Variants in PHKB observed in about 807,000 individuals in gnomAD.
PHKB encodes phosphorylase kinase regulatory subunit beta.
A neutral mutation model predicts 152.1 loss-of-function variants in PHKB; 122 were observed. That is an observed-to-expected ratio of 0.80 (90% confidence interval 0.69 to 0.93). PHKB has a LOEUF of 0.93. PHKB is among the 40% of genes least tolerant of loss of function. PHKB has a pLI of 0.00. For missense variants in PHKB, 1,304 were observed against 1,328.4 expected (o/e 0.98, Z 0.29); for synonymous variants, 436 against 464.9 (o/e 0.94, Z 0.80).
chr16:47,596,373 G>T lies in PHKB; in HGVS notation c.1205G>T (p.Gly402Val). ...AAATACTTATTTTTAAACTCCATAG[G>T]ATATCCTGTTGTACCAAAGTACTAT... Reference protein sequence around the residue: ...LTPVLHHTTEGYPVVPKYYYV... With the variant: ...LTPVLHHTTEVYPVVPKYYYV... The change falls in exon 13 of 31, where the codon GGA becomes GTA. Residue 402 changes from glycine to valine, a missense_variant and splice_region_variant. By Grantham distance (109) the Gly-to-Val change is moderately radical (BLOSUM62 -3). Coordinates refer to ENST00000323584, the MANE Select transcript of PHKB (RefSeq NM_000293.3). 1.3e-6 allele frequency: 2 copies of T among 1,590,134 alleles called. No individual in the cohort carries two copies. Among genetic ancestry groups the T allele is most frequent in the Non-Finnish European group, 1.7e-6 (2 of 1,158,418 alleles).
intron 1 of PHKB, among the ~76,000 whole-genome samples, chr16:47,483,317 G>T (rs1319270198): frequency 1.3e-5 from 2 of 151,998 alleles, no homozygotes; most frequent in African/African-American, 4.8e-5. Flanking sequence ...CAAAGTACTG[G>T]TATTATGGGT....
At chr16:47,497,044 T>C (rs1221992356) in intron 1 of PHKB, among the ~76,000 whole-genome samples, 1 of 152,152 alleles carries the variant, frequency 6.6e-6, no homozygotes, top group East Asian at 1.9e-4. Context: ...GGATTTATGG[T>C]CCCATAATTA....
chr16:47,486,221 G>A (rs1264052905), intron 1 of PHKB, among the ~76,000 whole-genome samples: 1 of 152,126 alleles, frequency 6.6e-6, no homozygotes, highest in Admixed American at 6.5e-5. Flanking sequence ...ACTGCTGTGG[G>A]AATTAAAGAA....
At chr16:47,575,908 C>T (rs1326661736) in intron 7 of PHKB, among the ~76,000 whole-genome samples, 4 of 152,208 alleles carry the variant, frequency 2.6e-5, no homozygotes, top group Non-Finnish European at 5.9e-5. Context: ...GAAACCCTGT[C>T]TCTACTAAAA....
At chr16:47,694,145 T>C (rs572801659) in intron 28 of PHKB, among the ~76,000 whole-genome samples, 15 of 152,244 alleles carry the variant, frequency 9.9e-5, no homozygotes, top group Non-Finnish European at 1.8e-4. Context: ...CTTACTTCAC[T>C]CCAGGTGTAC....
chr16:47,553,119 G>A (rs752652989), intron 7 of PHKB, among the ~76,000 whole-genome samples: 33 of 152,044 alleles, frequency 2.2e-4, no homozygotes, highest in African/African-American at 7.0e-4. Context: ...ATAATATCTC[G>A]AAGAGTGTTT....
At chr16:47,577,856 T>G (rs1271218304) in intron 7 of PHKB, among the ~76,000 whole-genome samples, 1 of 152,200 alleles carries the variant, frequency 6.6e-6, no homozygotes, top group Non-Finnish European at 1.5e-5. Flanking sequence ...TGTTTGTGTT[T>G]CACTCAGCTT....
chr16:47,600,611 T>C (rs147379665), intron 13 of PHKB, among the ~76,000 whole-genome samples: 1 of 152,354 alleles, frequency 6.6e-6, no homozygotes, highest in East Asian at 1.9e-4. Flanking sequence ...AGGTGATTTT[T>C]AGCCTACGAC....
intron 14 of PHKB, among the ~76,000 whole-genome samples, chr16:47,627,046 G>A (rs907880488): frequency 6.6e-6 from 1 of 152,146 alleles, no homozygotes; most frequent in African/African-American, 2.4e-5. Flanking sequence ...TACCACTAGG[G>A]ACCTTTCTTT....
At chr16:47,498,565 C>G (rs1050043158) in intron 2 of PHKB, among the ~76,000 whole-genome samples, 1 of 152,040 alleles carries the variant, frequency 6.6e-6, no homozygotes, top group African/African-American at 2.4e-5. Flanking sequence ...GATCCCAGCT[C>G]CAGAACAGAA....
At chr16:47,574,726 T>C (rs1971721042) in intron 7 of PHKB, among the ~76,000 whole-genome samples, 1 of 152,094 alleles carries the variant, frequency 6.6e-6, no homozygotes, top group Non-Finnish European at 1.5e-5. Flanking sequence ...AAGAACTCAC[T>C]CAATCCCATG....
At chr16:47,638,908 A>G (rs1972967832) in intron 14 of PHKB, among the ~76,000 whole-genome samples, 1 of 152,226 alleles carries the variant, frequency 6.6e-6, no homozygotes, top group South Asian at 2.1e-4. Flanking sequence ...GTTAGGAAAA[A>G]TGCCATTCAG....
chr16:47,519,725 G>A (rs2151654656), intron 6 of PHKB, among the ~76,000 whole-genome samples: 1 of 152,298 alleles, frequency 6.6e-6, no homozygotes, highest in South Asian at 2.1e-4. Context: ...TCCCTATTCA[G>A]TGTAGGCAGG....
At chr16:47,693,259 T>C (rs183527030) in intron 27 of PHKB, 119 bp from the exon 28 acceptor site, 29 of 959,212 alleles carry the variant, frequency 3.0e-5, no homozygotes, top group Non-Finnish European at 2.8e-5. Context: ...ATATGCATCA[T>C]TGATGGGCTT....
chr16:47,538,261 T>C (rs923453063), intron 6 of PHKB, among the ~76,000 whole-genome samples: 2 of 152,200 alleles, frequency 1.3e-5, no homozygotes, highest in Admixed American at 1.3e-4. Flanking sequence ...AAAATCTAAA[T>C]AACTTTGAAG....
chr16:47,566,163 A>G, intron 7 of PHKB: 1 of 664,522 alleles, frequency 1.5e-6, no homozygotes, highest in South Asian at 1.7e-5. Context: ...GTATCAATCC[A>G]TATCCCTGCA....
intron 1 of PHKB, among the ~76,000 whole-genome samples, chr16:47,486,883 C>T (rs1970058705): frequency 6.6e-6 from 1 of 152,210 alleles, no homozygotes; most frequent in African/African-American, 2.4e-5. Flanking sequence ...CTCAGGCTTT[C>T]AGAGATTTAT....
rs1974242712 is a variant in PHKB, at chr16:47,701,223, C to T, written c.*1857C>T. On this transcript the variant is annotated 3_prime_UTR_variant, in exon 31 of 31. Coordinates refer to ENST00000323584, the MANE Select transcript of PHKB (RefSeq NM_000293.3). ...CAAAAGACTTAAAATTTTTGTTTGC[C>T]GAAATTTTTACGAAAGTAAACTGTG... 6.6e-6 allele frequency: 1 copy of T among 152,062 alleles called. No individual in the cohort carries two copies. The allele number at this position is 152,062 out of a possible 1,614,324, so 9.4% of individuals were successfully genotyped here.
At chr16:47,686,017 G>T (rs989942739) in intron 26 of PHKB, among the ~76,000 whole-genome samples, 1 of 152,110 alleles carries the variant, frequency 6.6e-6, no homozygotes, top group African/African-American at 2.4e-5. Context: ...TGGGATTACC[G>T]GCATGAGCCA....
Sources: gnomAD v4.1 joint callset for allele counts (sites outside exome capture counted in the v4.1 genomes callset) on GRCh38, gnomAD v4.1.1 for gene constraint, MANE v1.5 for transcripts, NCBI Gene and HGNC (gene_info 2026-07-23, HGNC 2026-07-21) for gene names.